TRPS1: variants seen among roughly 807,000 people sequenced by gnomAD.
TRPS1 encodes the protein transcriptional repressor GATA binding 1.
In TRPS1, 6 loss-of-function variants were observed where a neutral mutation model predicts 101.2. The observed-to-expected ratio is 0.06, with a 90% CI of 0.03 to 0.12. The LOEUF (loss-of-function observed/expected upper bound fraction) is 0.12. TRPS1 is among the 10% of genes least tolerant of loss of function. The probability of loss-of-function intolerance (pLI) is 1.00; values close to 1 mark genes in which losing one functional copy is unlikely to be tolerated. For synonymous variants in TRPS1, 578 were observed against 589.8 expected (o/e 0.98, Z 0.29); for missense variants, 1,363 against 1,567.0 (o/e 0.87, Z 2.20).
intron 5 of TRPS1, among the ~76,000 whole-genome samples, chr8:115,528,207 A>C (rs1311621706): frequency 6.6e-6 from 1 of 152,100 alleles, no homozygotes; most frequent in East Asian, 1.9e-4. Flanking sequence ...AATAATTTGC[A>C]AGCTGAGCAA....
rs189330237 is a variant in TRPS1, at chr8:115,448,652, T to C, written c.2701-30200A>G. ...TTCATCTCTCACTTTATCACAACTT[T>C]GAGAGGCTGGTCACTCATTTCAAGT... On this transcript the variant is annotated intron_variant, in intron 5 of 6. Coordinates refer to ENST00000395715, the MANE Select transcript of TRPS1 (RefSeq NM_014112.5). 1.7e-3 allele frequency among the ~76,000 whole-genome samples: 265 copies of C among 152,312 alleles called. 3 individuals are homozygous for C. Among genetic ancestry groups the C allele is most frequent in the Non-Finnish European group, 4.9e-4 (33 of 68,022 alleles).
chr8:115,607,293 T>TCC (rs1818061321), intron 3 of TRPS1, among the ~76,000 whole-genome samples: 1 of 152,114 alleles, frequency 6.6e-6, no homozygotes, highest in Non-Finnish European at 1.5e-5. Context: ...TACGAATCAA[T>TCC]ACTATCAGGA....
chr8:115,462,736 T>C (rs767029880), intron 5 of TRPS1, among the ~76,000 whole-genome samples: 10 of 151,730 alleles, frequency 6.6e-5, no homozygotes, highest in Admixed American at 1.3e-4. Context: ...TAGGGCTCTG[T>C]ATTTTGTTGC....
chr8:115,603,949 TGAC>T lies in TRPS1; in HGVS notation c.2017_2019del (p.Val673del). Reference sequence around the variant, plus strand: ...GTACATGAGTGTTCTTTGCTTTCCTTGACAGACTGCTGCCCATCCGATCCTTGC... The same window carrying T: ...GTACATGAGTGTTCTTTGCTTTCCTTAGACTGCTGCCCATCCGATCCTTGC... On this transcript the variant is annotated inframe_deletion, in exon 4 of 7. Coordinates refer to ENST00000395715, the MANE Select transcript of TRPS1 (RefSeq NM_014112.5). 1 of 1,614,070 alleles carries T rather than the reference TGAC, an allele frequency of 6.2e-7. No homozygotes were observed. Among genetic ancestry groups the T allele is most frequent in the Non-Finnish European group, 8.5e-7 (1 of 1,179,972 alleles).
chr8:115,509,329 C>A (rs1009725414), intron 5 of TRPS1, among the ~76,000 whole-genome samples: 52 of 151,944 alleles, frequency 3.4e-4, no homozygotes, highest in African/African-American at 1.2e-3. Flanking sequence ...CTGTTAAGTG[C>A]TAGGAATGTT....
At chr8:115,582,671 C>T (rs944929713) in intron 5 of TRPS1, among the ~76,000 whole-genome samples, 1 of 152,128 alleles carries the variant, frequency 6.6e-6, no homozygotes, top group African/African-American at 2.4e-5. Context: ...AAGTCAGTGG[C>T]TCAACTTGGA....
chr8:115,514,393 T>C (rs1462137556), intron 5 of TRPS1, among the ~76,000 whole-genome samples: 2 of 151,696 alleles, frequency 1.3e-5, no homozygotes, highest in African/African-American at 2.4e-5. Flanking sequence ...AATCACTCTA[T>C]GTCTCCATTT....
At chr8:115,562,368 G>C (rs1174175958) in intron 5 of TRPS1, among the ~76,000 whole-genome samples, 1 of 151,698 alleles carries the variant, frequency 6.6e-6, no homozygotes, top group East Asian at 1.9e-4. Flanking sequence ...ATATTTTAAA[G>C]AAGTTGTTTA....
chr8:115,440,333 C>A (rs943688871), intron 5 of TRPS1, among the ~76,000 whole-genome samples: 22 of 152,306 alleles, frequency 1.4e-4, no homozygotes, highest in African/African-American at 1.9e-4. Flanking sequence ...AATAGGAAGA[C>A]CGACTGGCTG....
intron 5 of TRPS1, among the ~76,000 whole-genome samples, chr8:115,554,340 G>C (rs1020051796): frequency 6.6e-6 from 1 of 152,114 alleles, no homozygotes; most frequent in Non-Finnish European, 1.5e-5. Context: ...TGACAGGACA[G>C]TCAGACATCC....
intron 5 of TRPS1, among the ~76,000 whole-genome samples, chr8:115,510,368 T>C (rs1204984254): frequency 2.0e-5 from 3 of 151,988 alleles, no homozygotes; most frequent in African/African-American, 7.2e-5. Context: ...AATTGTGCAG[T>C]TGCAGACACT....
chr8:115,601,010 T>C (rs1218322271), intron 4 of TRPS1, among the ~76,000 whole-genome samples: 1 of 152,092 alleles, frequency 6.6e-6, no homozygotes, highest in Admixed American at 6.6e-5. Flanking sequence ...TCCACCAAGT[T>C]TAACTTAGCT....
At chr8:115,489,443 T>C (rs1183739389) in intron 5 of TRPS1, among the ~76,000 whole-genome samples, 1 of 152,198 alleles carries the variant, frequency 6.6e-6, no homozygotes, top group Non-Finnish European at 1.5e-5. Flanking sequence ...TCTTTCCCAG[T>C]TAAAAATTTT....
intron 5 of TRPS1, among the ~76,000 whole-genome samples, chr8:115,550,449 A>T (rs2130337247): frequency 6.6e-6 from 1 of 152,274 alleles, no homozygotes; most frequent in Non-Finnish European, 1.5e-5. Context: ...TATCTGTACA[A>T]TGAAGATAAT....
rs1455632894 is a variant in TRPS1 at position 115,413,739 on chromosome 8, T to C, written c.*284A>G. 5 of 387,296 alleles carry C rather than the reference T, an allele frequency of 1.3e-5. No individual in the cohort carries two copies. The highest frequency in any genetic ancestry group is 3.1e-5 in the South Asian group (1 of 31,802). The allele number at this position is 387,296 out of a possible 1,614,324, so 24.0% of individuals were successfully genotyped here. A position where few individuals can be genotyped will look rare whatever the true frequency, so the allele number is the denominator to read the frequency against. On this transcript the variant is annotated 3_prime_UTR_variant, in exon 7 of 7. Transcript: ENST00000395715. ...AATTCTAGTCTGGTGATATCTCTTATGGATTATTTCCCCAGTACATATTAG... is the reference window on the plus strand; with the variant it reads ...AATTCTAGTCTGGTGATATCTCTTACGGATTATTTCCCCAGTACATATTAG...
intron 5 of TRPS1, among the ~76,000 whole-genome samples, chr8:115,435,998 TCACA>T (rs4027183): frequency 0.022 from 2,903 of 134,000 alleles, 44 homozygotes; most frequent in East Asian, 0.069. Flanking sequence ...AAATGAGAAA[TCACA>T]CACACACACA....
At chr8:115,522,188 A>G (rs144075481) in intron 5 of TRPS1, among the ~76,000 whole-genome samples, 21 of 152,138 alleles carry the variant, frequency 1.4e-4, no homozygotes, top group African/African-American at 4.6e-4. Flanking sequence ...TAGCATGGCT[A>G]TATCTTTGAG....
At chr8:115,581,932 T>C (rs1817461511) in intron 5 of TRPS1, among the ~76,000 whole-genome samples, 1 of 152,200 alleles carries the variant, frequency 6.6e-6, no homozygotes, top group African/African-American at 2.4e-5. Context: ...TTTTCATCTC[T>C]GCATATAGTC....
chr8:115,509,885 G>A (rs772142365), intron 5 of TRPS1, among the ~76,000 whole-genome samples: 4 of 151,972 alleles, frequency 2.6e-5, no homozygotes, highest in African/African-American at 9.7e-5. Flanking sequence ...TACCCTGGAA[G>A]TACTCATTCT....
Sources: allele counts gnomAD v4.1 joint callset (sites outside exome capture counted in the v4.1 genomes callset), GRCh38; gene constraint gnomAD v4.1.1; transcripts MANE v1.5; gene names NCBI Gene and HGNC (gene_info 2026-07-23, HGNC 2026-07-21).